The following WDR59 variants were observed in gnomAD, a reference collection of about 807,000 sequenced individuals.
The protein encoded by WDR59 is GATOR2 complex protein WDR59.
A neutral mutation model predicts 131.2 loss-of-function variants in WDR59; 100 were observed. That is an observed-to-expected ratio of 0.76 (90% CI 0.65 to 0.90). WDR59 has a LOEUF of 0.90. WDR59 is among the 40% of genes least tolerant of loss of function. The pLI is 0.00. For missense variants in WDR59, 1,203 were observed against 1,262.2 expected (o/e 0.95, Z 0.71); for synonymous variants, 601 against 466.2 (o/e 1.29, Z -3.72).
chr16:74,955,689 T>C (rs1268339337), intron 3 of WDR59, among the ~76,000 whole-genome samples: 1 of 152,162 alleles, frequency 6.6e-6, no homozygotes, highest in Non-Finnish European at 1.5e-5. Context: ...GTTGCTTTCC[T>C]TCTGCAGACT....
At chr16:74,891,386 G>A (rs540643641) in intron 20 of WDR59, among the ~76,000 whole-genome samples, 5 of 152,248 alleles carry the variant, frequency 3.3e-5, no homozygotes, top group African/African-American at 1.2e-4. Flanking sequence ...AGGTATTGTC[G>A]AAAAGGAGAA....
At chr16:74,942,580 C>T (rs575901125) in intron 7 of WDR59, among the ~76,000 whole-genome samples, 158 bp downstream of exon 7, 41 of 152,198 alleles carry the variant, frequency 2.7e-4, no homozygotes, top group African/African-American at 8.9e-4. Context: ...TGGATTGAGA[C>T]GCAAATATCG....
At chr16:74,946,159 T>C (rs1424610523) in intron 6 of WDR59, among the ~76,000 whole-genome samples, 2 of 152,198 alleles carry the variant, frequency 1.3e-5, no homozygotes, top group East Asian at 3.9e-4. Context: ...AACTGTTCTA[T>C]TTTATTATTA....
intron 2 of WDR59, among the ~76,000 whole-genome samples, chr16:74,961,973 T>A (rs1212129267): frequency 2.0e-5 from 3 of 152,128 alleles, no homozygotes; most frequent in Non-Finnish European, 4.4e-5. Flanking sequence ...TTTATAAGGT[T>A]TAAGGAAGGG....
At chr16:74,978,499 A>G (rs1270341835) in intron 1 of WDR59, among the ~76,000 whole-genome samples, 1 of 152,114 alleles carries the variant, frequency 6.6e-6, no homozygotes, top group African/African-American at 2.4e-5. Context: ...CCTTCAAAAA[A>G]CAAAACAAAA....
At chr16:74,929,217 G>A (rs2031155679) in intron 8 of WDR59, among the ~76,000 whole-genome samples, 2 of 152,170 alleles carry the variant, frequency 1.3e-5, no homozygotes, top group South Asian at 4.1e-4. Context: ...TGGGACTACA[G>A]GCGCCCGCCA....
In WDR59 at chr16:74,921,991, T is replaced by C. The variant is rs1271822736; in HGVS notation, c.842A>G (p.His281Arg). Residue 281 changes from histidine to arginine, a missense_variant, in exon 10 of 26, where the codon CAT becomes CGT. His to Arg is a conservative substitution (Grantham distance 29). Transcript: ENST00000262144. ...LNTPVHTFVG[H>R]DDVVLEFQWR... ...CTGGAACTCCAGGACCACATCATCATGCCCCACGAAGGTGTGGACTGGGGT... is the reference window on the plus strand; with the variant it reads ...CTGGAACTCCAGGACCACATCATCACGCCCCACGAAGGTGTGGACTGGGGT... The C allele has an allele frequency of 6.2e-7, 1 of 1,614,196 alleles. No individual in the cohort carries two copies. Among genetic ancestry groups the C allele is most frequent in the Non-Finnish European group, 8.5e-7 (1 of 1,180,022 alleles).
intron 1 of WDR59, among the ~76,000 whole-genome samples, chr16:74,975,673 A>G (rs1173447512): frequency 1.3e-5 from 2 of 151,872 alleles, no homozygotes; most frequent in Non-Finnish European, 2.9e-5. Context: ...TCAAAAAAAA[A>G]AAAAGTAAAA....
At chr16:74,934,168 G>A (rs189116890) in intron 8 of WDR59, among the ~76,000 whole-genome samples, 24 of 152,216 alleles carry the variant, frequency 1.6e-4, no homozygotes, top group African/African-American at 5.5e-4. Context: ...GAAAAGTTCA[G>A]CCTCCCCAGA....
intron 25 of WDR59, 102 bp downstream of exon 25, chr16:74,885,551 G>C: frequency 7.5e-7 from 1 of 1,335,858 alleles, no homozygotes; most frequent in Non-Finnish European, 9.8e-7. Context: ...TTTCTGCTTA[G>C]AAATGAGAAG....
At chr16:74,912,643 A>G (rs1446015399) in intron 13 of WDR59, among the ~76,000 whole-genome samples, 2 of 152,240 alleles carry the variant, frequency 1.3e-5, no homozygotes, top group African/African-American at 4.8e-5. Context: ...AAAGACACAC[A>G]CACAGAAATA....
chr16:74,892,382 A>T, intron 20 of WDR59, 102 bp downstream of exon 20: 1 of 1,007,092 alleles, frequency 9.9e-7, no homozygotes, highest in Non-Finnish European at 1.5e-6. Context: ...ATTCCAAATT[A>T]AGACACACAC....
At position 74,928,671 on chromosome 16, in the gene WDR59, G is replaced by A. The variant is rs548452469; in HGVS notation, c.652-4668C>T. Among the ~76,000 whole-genome samples the A allele has an allele frequency of 2.6e-3, 399 of 152,200 alleles. 5 individuals are homozygous for A. The highest frequency in any genetic ancestry group is 9.4e-3 in the African/African-American group (392 of 41,536). On this transcript the variant is annotated intron_variant, in intron 8 of 25. Coordinates refer to ENST00000262144, the MANE Select transcript of WDR59 (RefSeq NM_030581.4). ...AATCCCAGCACTTTGGGAGGCCAAG[G>A]CGGGCAGATCACTTGAGGTCAGGAG...
intron 20 of WDR59, among the ~76,000 whole-genome samples, chr16:74,890,838 G>T (rs951450133): frequency 6.6e-6 from 1 of 151,990 alleles, no homozygotes. Flanking sequence ...CAAATACGGC[G>T]GGCCCTGTGG....
chr16:74,925,447 G>A (rs759841075), intron 8 of WDR59, among the ~76,000 whole-genome samples: 1 of 151,660 alleles, frequency 6.6e-6, no homozygotes, highest in Non-Finnish European at 1.5e-5. Context: ...AGGAGGCTGA[G>A]GCACAAGAAT....
intron 6 of WDR59, 140 bp from the exon 7 acceptor site, chr16:74,942,966 C>T (rs1261628965): frequency 5.8e-6 from 4 of 688,358 alleles, no homozygotes; most frequent in African/African-American, 3.7e-5. Context: ...GCACCAACTC[C>T]ACTATTCCAG....
chr16:74,887,748 A>G lies in WDR59; in HGVS notation c.2354T>C (p.Phe785Ser). Residue 785 changes from phenylalanine (F) to serine (S), a missense_variant, in exon 23 of 26, where the codon TTT becomes TCT. By Grantham distance (155) the Phe-to-Ser change is radical. Coordinates refer to ENST00000262144, the MANE Select transcript of WDR59 (RefSeq NM_030581.4). The part of the protein sequence containing the change: ...LVVSHSRYPS[F>S]TSSGSCSSMS... ...ACTGGAGCAGGAACCAGAAGAGGTA[A>G]AGCTAGGCTACAGAAGGGAAGAGAA... The G allele has an allele frequency of 3.1e-6, 5 of 1,614,032 alleles. No homozygotes were observed. Among genetic ancestry groups the G allele is most frequent in the Non-Finnish European group, 4.2e-6 (5 of 1,179,962 alleles).
At chr16:74,929,946 C>T (rs1229231304) in intron 8 of WDR59, among the ~76,000 whole-genome samples, 2 of 152,184 alleles carry the variant, frequency 1.3e-5, no homozygotes, top group Non-Finnish European at 2.9e-5. Flanking sequence ...ATAAACTTTG[C>T]ATGTTCTCAC....
At chr16:74,919,295 T>G (rs1232960029) in intron 10 of WDR59, among the ~76,000 whole-genome samples, 1 of 151,988 alleles carries the variant, frequency 6.6e-6, no homozygotes, top group Non-Finnish European at 1.5e-5. Context: ...TGATCTGGCT[T>G]CTCTCCTCAA....
Sources: gnomAD v4.1 joint callset for allele counts (sites outside exome capture counted in the v4.1 genomes callset) on GRCh38, gnomAD v4.1.1 for gene constraint, MANE v1.5 for transcripts, NCBI Gene and HGNC (gene_info 2026-07-23, HGNC 2026-07-21) for gene names.